Variants in FARP1 observed in about 807,000 individuals in gnomAD.
The protein encoded by FARP1 is FERM, ARH/RhoGEF and pleckstrin domain protein 1.
In FARP1, 52 loss-of-function variants were observed where a neutral mutation model predicts 128.8. That is an observed-to-expected ratio of 0.40 (90% CI 0.32 to 0.51). The LOEUF (loss-of-function observed/expected upper bound fraction) is 0.51. Ranked by LOEUF, FARP1 falls within the 20% of genes least tolerant of loss-of-function variation. The probability of loss-of-function intolerance (pLI) is 0.45; values close to 1 mark genes in which losing one functional copy is unlikely to be tolerated. For synonymous variants in FARP1, 580 were observed against 551.8 expected (o/e 1.05, Z -0.72); for missense variants, 1,333 against 1,367.9 (o/e 0.97, Z 0.40).
intron 1 of FARP1, among the ~76,000 whole-genome samples, chr13:98,162,081 C>T (rs1312356791): frequency 6.6e-6 from 1 of 152,170 alleles, no homozygotes; most frequent in Non-Finnish European, 1.5e-5. Context: ...CCTGGCTCTT[C>T]CTGTCTCTTT....
intron 2 of FARP1, among the ~76,000 whole-genome samples, chr13:98,258,036 C>A (rs1329779986): frequency 6.6e-6 from 1 of 152,040 alleles, no homozygotes. Context: ...TGCAGTGGCA[C>A]GATCTTGGCT....
chr13:98,440,161 A>G lies in FARP1; in HGVS notation c.2555A>G (p.Gln852Arg), dbSNP rs1296305759. 1.2e-6 allele frequency: 2 copies of G among 1,614,056 alleles called. No homozygotes were observed. The highest frequency in any genetic ancestry group is 8.5e-7 in the Non-Finnish European group (1 of 1,179,978). Residue 852 changes from glutamine (Q) to arginine (R), a missense_variant, in exon 23 of 27, where the codon CAG (glutamine) becomes CGG (arginine). Gln to Arg is a conservative substitution (Grantham distance 43). This residue lies in a region of FARP1 where 1,009 missense variants were observed against 969.8 expected (regional missense o/e 1.04). Coordinates refer to ENST00000319562, the MANE Select transcript of FARP1 (RefSeq NM_005766.4). ...SEMEKWVEDI[Q>R]MAIDLAEKSS... ...ATGGAGAAGTGGGTTGAGGACATCC[A>G]GATGGCCATTGACCTGGCGGAGAAG...
At chr13:98,197,680 G>A (rs537942246) in intron 1 of FARP1, among the ~76,000 whole-genome samples, 26 of 151,526 alleles carry the variant, frequency 1.7e-4, no homozygotes, top group African/African-American at 6.3e-4. Context: ...TGTCACCCAG[G>A]CTGGAGTGCA....
intron 26 of FARP1, chr13:98,447,045 C>T (rs1892890954): frequency 5.9e-6 from 3 of 511,900 alleles, no homozygotes; most frequent in Non-Finnish European, 1.1e-5. Flanking sequence ...TGGCTGAGGC[C>T]CTAGACATCT....
At chr13:98,195,283 C>T (rs1370911291) in intron 1 of FARP1, among the ~76,000 whole-genome samples, 2 of 152,120 alleles carry the variant, frequency 1.3e-5, no homozygotes, top group African/African-American at 2.4e-5. Context: ...GTGGTATGCA[C>T]CTAAGGTTGC....
intron 5 of FARP1, among the ~76,000 whole-genome samples, chr13:98,373,533 G>GACACAA (rs1889447254): frequency 7.6e-6 from 1 of 130,984 alleles, no homozygotes; most frequent in Non-Finnish European, 1.6e-5. Context: ...CAGACAGACA[G>GACACAA]ACACACACAC....
chr13:98,385,383 G>C (rs1890055574), intron 7 of FARP1, among the ~76,000 whole-genome samples: 1 of 151,704 alleles, frequency 6.6e-6, no homozygotes, highest in African/African-American at 2.4e-5. Context: ...TTTTATATGA[G>C]CTTAAAGGAA....
At chr13:98,164,967 C>A (rs1431142657) in intron 1 of FARP1, among the ~76,000 whole-genome samples, 1 of 152,102 alleles carries the variant, frequency 6.6e-6, no homozygotes, top group African/African-American at 2.4e-5. Context: ...GTAATCCCAG[C>A]CCTTTGGGAA....
chr13:98,282,568 C>T (rs7324866), intron 2 of FARP1, among the ~76,000 whole-genome samples: 92,049 of 152,054 alleles, frequency 0.61, 28,319 homozygotes, highest in African/African-American at 0.72. Context: ...TAAACCTACT[C>T]AGAAATTATT....
Position 98,202,164 on chromosome 13 carries a change from T to C in FARP1, c.-23-11056T>C, listed in dbSNP as rs544444293. On this transcript the variant is annotated intron_variant, in intron 1 of 26. Coordinates refer to ENST00000319562, the MANE Select transcript of FARP1 (RefSeq NM_005766.4). ...AGTTTATCTCCACCCCAGCCTCCCC[T>C]GGGGCCAGCTCCTGGCGTGTGGCTC... is the stretch of plus-strand genomic sequence containing the variant. Among the ~76,000 whole-genome samples the C allele has an allele frequency of 1.3e-5, 2 of 152,306 alleles. 1 individual carries two copies. Among genetic ancestry groups the C allele is most frequent in the African/African-American group, 4.8e-5 (2 of 41,594 alleles).
At chr13:98,217,563 T>G (rs187854824) in intron 2 of FARP1, among the ~76,000 whole-genome samples, 5 of 152,364 alleles carry the variant, frequency 3.3e-5, no homozygotes, top group African/African-American at 1.2e-4. Context: ...ATCCTTTGCC[T>G]GAGGATCAAG....
intron 16 of FARP1, among the ~76,000 whole-genome samples, chr13:98,423,443 C>T (rs746368227): frequency 8.6e-5 from 13 of 152,024 alleles, no homozygotes; most frequent in South Asian, 2.1e-4. Flanking sequence ...TTGTTTAATT[C>T]GTTCCTTTCA....
intron 5 of FARP1, among the ~76,000 whole-genome samples, chr13:98,372,081 C>CTTTTTTTT (rs56838920): frequency 1.5e-4 from 14 of 92,336 alleles, no homozygotes; most frequent in Admixed American, 4.2e-4. Context: ...CCCAGTTTTT[C>CTTTTTTTT]TTTTTTTTTT....
intron 16 of FARP1, among the ~76,000 whole-genome samples, chr13:98,415,471 A>G (rs1404835536): frequency 6.6e-6 from 1 of 152,184 alleles, no homozygotes; most frequent in Non-Finnish European, 1.5e-5. Context: ...ATGAATGAGT[A>G]GGTGAGTGTG....
At chr13:98,330,498 C>T (rs899251805) in intron 2 of FARP1, among the ~76,000 whole-genome samples, 2 of 152,012 alleles carry the variant, frequency 1.3e-5, no homozygotes, top group Non-Finnish European at 2.9e-5. Context: ...CATGGTGGCT[C>T]ACTCCCAGCA....
chr13:98,437,984 C>T (rs1273816431), intron 19 of FARP1: 19 of 785,154 alleles, frequency 2.4e-5, no homozygotes, highest in South Asian at 5.4e-5. Context: ...AAGGTGGGAT[C>T]GGAGGCGCCT....
chr13:98,225,709 C>T (rs1362652664), intron 2 of FARP1, among the ~76,000 whole-genome samples: 1 of 152,220 alleles, frequency 6.6e-6, no homozygotes, highest in African/African-American at 2.4e-5. Context: ...AACAGCCCTC[C>T]GGCGTCCTGC....
chr13:98,446,644 TTGC>T lies in FARP1; in HGVS notation c.2905-20_2905-18del. ...CAGAAGCTGACCCCGAAAAGCCACTTTGCTTTGTTTCCCCTTTCCAGGACAATC... is the reference window on the plus strand; with the variant it reads ...CAGAAGCTGACCCCGAAAAGCCACTTTTTGTTTCCCCTTTCCAGGACAATC... On this transcript the variant is annotated intron_variant, in intron 25 of 26. Coordinates refer to ENST00000319562, the MANE Select transcript of FARP1 (RefSeq NM_005766.4). The T allele has an allele frequency of 6.2e-7, 1 of 1,612,806 alleles. No individual in the cohort carries two copies. Among genetic ancestry groups the T allele is most frequent in the Non-Finnish European group, 8.5e-7 (1 of 1,178,948 alleles).
chr13:98,227,149 A>G (rs1165802448), intron 2 of FARP1, among the ~76,000 whole-genome samples: 1 of 152,098 alleles, frequency 6.6e-6, no homozygotes. Flanking sequence ...TCACTGTGTT[A>G]GTCAGGATGG....
Sources: allele counts gnomAD v4.1 joint callset (sites outside exome capture counted in the v4.1 genomes callset), GRCh38; gene constraint gnomAD v4.1.1; regional missense constraint gnomAD v4.1.1; transcripts MANE v1.5; gene names NCBI Gene and HGNC (gene_info 2026-07-23, HGNC 2026-07-21).